The following MED21 variants were observed in gnomAD, a reference collection of about 807,000 sequenced individuals.
MED21 encodes the protein mediator complex subunit 21.
Under a neutral mutation model 18.2 loss-of-function variants are expected in MED21, and 9 were observed. That is an observed-to-expected ratio of 0.49 (90% CI 0.30 to 0.86). The LOEUF is 0.86. MED21 is among the 40% of genes least tolerant of loss of function. The probability of loss-of-function intolerance (pLI) is 0.07; values close to 1 mark genes in which losing one functional copy is unlikely to be tolerated. For synonymous variants in MED21, 73 were observed against 60.5 expected (o/e 1.21, Z -0.96); for missense variants, 150 against 170.9 (o/e 0.88, Z 0.68).
chr12:27,029,406 C>A lies in MED21; in HGVS notation c.*945C>A. The A allele has an allele frequency of 2.0e-6, 2 of 985,354 alleles. No individual in the cohort carries two copies. The highest frequency in any genetic ancestry group is 3.5e-5 in the African/African-American group (2 of 57,324). The allele number at this position is 985,354 out of a possible 1,614,324, so 61.0% of individuals were successfully genotyped here. ...ATCCAACCCTTGGATCTCTTTGAGT[C>A]TACTGATAATCTCCACTGGAAAGGT... On this transcript the variant is annotated 3_prime_UTR_variant, in exon 4 of 4. Coordinates refer to ENST00000282892, the MANE Select transcript of MED21 (RefSeq NM_004264.5).
chr12:27,026,683 TAC>T (rs2136485650), intron 2 of MED21, 149 bp downstream of exon 2: 1 of 679,566 alleles, frequency 1.5e-6, no homozygotes, highest in South Asian at 1.7e-5. Context: ...GTAAAAAATT[TAC>T]AGTCAATTCA....
chr12:27,023,300 C>CTTTTTCT (rs1555110749), intron 1 of MED21, among the ~76,000 whole-genome samples: 4 of 110,438 alleles, frequency 3.6e-5, no homozygotes, highest in African/African-American at 1.1e-4. Flanking sequence ...TTTTTCTTTT[C>CTTTTTCT]TTTTTTTTTT....
intron 1 of MED21, among the ~76,000 whole-genome samples, chr12:27,026,011 A>G (rs74411243): frequency 6.6e-6 from 1 of 152,176 alleles, no homozygotes; most frequent in East Asian, 1.9e-4. Flanking sequence ...TGAGAAATAA[A>G]TTTTTATTAA....
At chr12:27,036,561 T>TA (rs1299382722) in intron 2 of MED21, among the ~76,000 whole-genome samples, 1 of 152,242 alleles carries the variant, frequency 6.6e-6, no homozygotes, top group African/African-American at 2.4e-5. Context: ...CTAGGGTTTT[T>TA]ATGGTTTTAG....
Position 27,024,415 on chromosome 12 carries a change from A to C in MED21, c.42+1794A>C, listed in dbSNP as rs553244917. Among the ~76,000 whole-genome samples, 147 of 152,284 alleles carry C rather than the reference A, an allele frequency of 9.7e-4. 1 individual carries two copies. The highest frequency in any genetic ancestry group is 3.2e-3 in the African/African-American group (135 of 41,558). ...TGATCTACCCTGGGTGAATAACACT[A>C]GTTTTTAAGCTGAGAGGACCAGCCT... On this transcript the variant is annotated intron_variant, in intron 1 of 3. Coordinates refer to ENST00000282892, the MANE Select transcript of MED21 (RefSeq NM_004264.5).
intron 2 of MED21, among the ~76,000 whole-genome samples, chr12:27,036,463 T>C (rs1360948509): frequency 2.6e-5 from 4 of 152,256 alleles, no homozygotes; most frequent in Non-Finnish European, 5.9e-5. Flanking sequence ...TTTGTCAATT[T>C]TGGCTTTTAT....
At position 27,029,412 on chromosome 12, in the gene MED21, A is replaced by C; in HGVS notation, c.*951A>C. The C allele has an allele frequency of 1.0e-6, 1 of 985,384 alleles. No individual in the cohort carries two copies. Among genetic ancestry groups the C allele is most frequent in the Non-Finnish European group, 1.2e-6 (1 of 829,912 alleles). The allele number at this position is 985,384 out of a possible 1,614,324, so 61.0% of individuals were successfully genotyped here. On this transcript the variant is annotated 3_prime_UTR_variant, in exon 4 of 4. Transcript: ENST00000282892. ...CCCTTGGATCTCTTTGAGTCTACTGATAATCTCCACTGGAAAGGTGGAATT... is the reference window on the plus strand; with the variant it reads ...CCCTTGGATCTCTTTGAGTCTACTGCTAATCTCCACTGGAAAGGTGGAATT...
intron 1 of MED21, 74 bp from the exon 2 acceptor site, chr12:27,026,346 T>C: frequency 1.2e-6 from 1 of 826,764 alleles, no homozygotes; most frequent in Non-Finnish European, 2.0e-6. Flanking sequence ...AAACTTATTG[T>C]TGTTGCCATT....
At chr12:27,030,804 T>C (rs546566015), downstream of MED21, 1 of 152,360 alleles carries the variant, frequency 6.6e-6, no homozygotes, top group Non-Finnish European at 1.5e-5. Flanking sequence ...ACCATCTTGC[T>C]CTGCTGCCAG....
At chr12:27,034,218 C>T (rs1405087990), downstream of MED21, among the ~76,000 whole-genome samples, 1 of 152,084 alleles carries the variant, frequency 6.6e-6, no homozygotes, top group African/African-American at 2.4e-5. Flanking sequence ...GTGTTCAAGA[C>T]CAGCCTGGCC....
At chr12:27,035,971 G>T (rs1353911604) in intron 2 of MED21, among the ~76,000 whole-genome samples, 1 of 152,122 alleles carries the variant, frequency 6.6e-6, no homozygotes, top group Non-Finnish European at 1.5e-5. Flanking sequence ...GGATGGCTGG[G>T]TCAAATGGTA....
At chr12:27,026,979 A>C (rs1367130680) in intron 2 of MED21, among the ~76,000 whole-genome samples, 1 of 151,944 alleles carries the variant, frequency 6.6e-6, no homozygotes, top group Admixed American at 6.6e-5. Context: ...CCTAGGCTGG[A>C]GTGCAGTGAT....
chr12:27,028,380 A>T lies in MED21; in HGVS notation c.354A>T (p.Ile118=). The T allele has an allele frequency of 3.1e-6, 5 of 1,614,200 alleles. No individual in the cohort carries two copies. Among genetic ancestry groups the T allele is most frequent in the Non-Finnish European group, 4.2e-6 (5 of 1,180,016 alleles). Residue 118 remains isoleucine, a synonymous_variant, in exon 4 of 4, where the codon ATA becomes ATT. Coordinates refer to ENST00000282892, the MANE Select transcript of MED21 (RefSeq NM_004264.5). The part of the protein sequence containing the change: ...VYRGDMLLEK[I]QSALADIAQS... ...GAGGAGACATGCTTCTGGAGAAGAT[A>T]CAAAGCGCACTTGCTGATATTGCAC...
chr12:27,034,310 T>C (rs1201529144), downstream of MED21, among the ~76,000 whole-genome samples: 6 of 152,092 alleles, frequency 3.9e-5, no homozygotes, highest in East Asian at 1.2e-3. Flanking sequence ...CAATCCCAGC[T>C]ACTCGGGAGG....
downstream of MED21, among the ~76,000 whole-genome samples, chr12:27,032,074 T>G (rs1941623646): frequency 6.6e-6 from 1 of 152,222 alleles, no homozygotes; most frequent in Admixed American, 6.5e-5. Flanking sequence ...CTTTCTTCTT[T>G]TACCCATATC....
intron 2 of MED21, among the ~76,000 whole-genome samples, chr12:27,036,759 C>T (rs1407858309): frequency 6.6e-6 from 1 of 152,066 alleles, no homozygotes; most frequent in Non-Finnish European, 1.5e-5. Flanking sequence ...AGATATGTGG[C>T]GTTATTTCTG....
At chr12:27,027,987 C>T (rs939950543) in intron 3 of MED21, among the ~76,000 whole-genome samples, 1 of 152,124 alleles carries the variant, frequency 6.6e-6, no homozygotes, top group South Asian at 2.1e-4. Context: ...TCAATTTTGT[C>T]TCTTTTCCTA....
Position 27,028,327 on chromosome 12 carries a change from G to A in MED21, c.301G>A (p.Ala101Thr), listed in dbSNP as rs1941571808. ...YKLEEENHEA[A>T]TCLEDVVYRG... ...GCTAGAAGAAGAAAACCATGAAGCT[G>A]CTACATGTCTGGAGGATGTTGTTTA... is the stretch of plus-strand genomic sequence containing the variant. Residue 101 changes from alanine to threonine, a missense_variant, in exon 4 of 4, where the codon GCT (alanine) becomes ACT (threonine). Ala to Thr is a moderately conservative substitution (Grantham distance 58). Coordinates refer to ENST00000282892, the MANE Select transcript of MED21 (RefSeq NM_004264.5). 4.3e-6 allele frequency: 7 copies of A among 1,614,138 alleles called. No individual in the cohort carries two copies. Among genetic ancestry groups the A allele is most frequent in the Non-Finnish European group, 5.1e-6 (6 of 1,179,998 alleles).
At chr12:27,028,086 C>A (rs968682348) in intron 3 of MED21, among the ~76,000 whole-genome samples, 199 bp from the exon 4 acceptor site, 1 of 152,166 alleles carries the variant, frequency 6.6e-6, no homozygotes, top group South Asian at 2.1e-4. Flanking sequence ...TTAAAGATAT[C>A]TAGAGATCTC....
Sources: allele counts gnomAD v4.1 joint callset (sites outside exome capture counted in the v4.1 genomes callset), GRCh38; gene constraint gnomAD v4.1.1; transcripts MANE v1.5; gene names NCBI Gene and HGNC (gene_info 2026-07-23, HGNC 2026-07-21).